PCDH15: variants seen among roughly 807,000 people sequenced by gnomAD.
PCDH15 encodes protocadherin related 15.
In PCDH15, 129 loss-of-function variants were observed where a neutral mutation model predicts 178.5. That is an observed-to-expected ratio of 0.72 (90% CI 0.63 to 0.84). PCDH15 has a LOEUF of 0.84. PCDH15 is among the 40% of genes least tolerant of loss of function. The pLI is 0.00. For missense variants in PCDH15, 2,230 were observed against 2,099.9 expected (o/e 1.06, Z -1.21); for synonymous variants, 800 against 732.0 (o/e 1.09, Z -1.50).
intron 1 of PCDH15, among the ~76,000 whole-genome samples, chr10:55,210,169 A>C (rs1014732638): frequency 6.6e-6 from 1 of 152,036 alleles, no homozygotes. Flanking sequence ...GAGATAAATG[A>C]ATGTAATTAC....
chr10:55,444,734 T>G (rs1839277528), intron 2 of PCDH15, among the ~76,000 whole-genome samples: 1 of 152,146 alleles, frequency 6.6e-6, no homozygotes, highest in South Asian at 2.1e-4. Flanking sequence ...TTGTCAAGTA[T>G]TCTCATATAA....
chr10:54,641,432 T>C (rs573377359), intron 2 of PCDH15, among the ~76,000 whole-genome samples: 6 of 152,160 alleles, frequency 3.9e-5, no homozygotes, highest in Non-Finnish European at 8.8e-5. Context: ...ACAACTAAAC[T>C]GATGATCTCC....
intron 3 of PCDH15, among the ~76,000 whole-genome samples, chr10:54,479,243 G>T (rs925585698): frequency 2.0e-5 from 3 of 151,768 alleles, no homozygotes; most frequent in African/African-American, 7.3e-5. Context: ...TAGTTTGAAT[G>T]GTCCTAATTA....
intron 34 of PCDH15, among the ~76,000 whole-genome samples, chr10:53,817,272 T>G (rs1010942010): frequency 6.6e-6 from 1 of 152,142 alleles, no homozygotes; most frequent in African/African-American, 2.4e-5. Context: ...CGCAGTGACT[T>G]CATTGGTAAC....
intron 1 of PCDH15, among the ~76,000 whole-genome samples, chr10:54,795,029 GTA>G (rs1951819423): frequency 6.6e-6 from 1 of 151,702 alleles, no homozygotes; most frequent in Admixed American, 6.6e-5. Flanking sequence ...GATAGCCTTA[GTA>G]CTTTCATATT....
intron 3 of PCDH15, among the ~76,000 whole-genome samples, chr10:54,897,123 A>G (rs1242456379): frequency 6.6e-6 from 1 of 152,216 alleles, no homozygotes; most frequent in African/African-American, 2.4e-5. Flanking sequence ...GAATTGCTGC[A>G]TGACAGTTGC....
chr10:55,145,163 T>C (rs6481147), intron 2 of PCDH15, among the ~76,000 whole-genome samples: 137,056 of 151,904 alleles, frequency 0.9, 62,505 homozygotes, highest in Non-Finnish European at 0.97. Context: ...TTTAGATTTG[T>C]GCAATTTATT....
At chr10:53,933,173 TA>T (rs2085235340) in intron 25 of PCDH15, among the ~76,000 whole-genome samples, 1 of 151,976 alleles carries the variant, frequency 6.6e-6, no homozygotes, top group Non-Finnish European at 1.5e-5. Flanking sequence ...CTTTTTTTTT[TA>T]AATTTTATTA....
At chr10:55,527,577 T>C (rs959897902) in intron 2 of PCDH15, among the ~76,000 whole-genome samples, 1 of 152,026 alleles carries the variant, frequency 6.6e-6, no homozygotes, top group Non-Finnish European at 1.5e-5. Flanking sequence ...ATATATAATA[T>C]TGTAAGGGAC....
chr10:53,863,517 A>C (rs2079239360), intron 27 of PCDH15, among the ~76,000 whole-genome samples: 1 of 152,044 alleles, frequency 6.6e-6, no homozygotes, highest in Non-Finnish European at 1.5e-5. Flanking sequence ...GAGAGAAAAC[A>C]CTCTTATGAT....
chr10:54,778,763 A>G (rs1949970472), intron 1 of PCDH15, among the ~76,000 whole-genome samples: 1 of 152,166 alleles, frequency 6.6e-6, no homozygotes, highest in Non-Finnish European at 1.5e-5. Context: ...ATTCATTACT[A>G]AAATAAATTT....
intron 2 of PCDH15, among the ~76,000 whole-genome samples, chr10:55,507,491 G>A (rs1840783850): frequency 6.6e-6 from 1 of 151,278 alleles, no homozygotes; most frequent in African/African-American, 2.4e-5. Flanking sequence ...TAAAATCAAT[G>A]TTACAAAAAT....
chr10:54,468,362 A>C (rs1054768616), intron 3 of PCDH15, among the ~76,000 whole-genome samples: 2 of 151,386 alleles, frequency 1.3e-5, no homozygotes, highest in African/African-American at 4.9e-5. Flanking sequence ...GTTATGTTTC[A>C]ATTTTCATTT....
chr10:55,412,824 T>C (rs1321728738), intron 2 of PCDH15, among the ~76,000 whole-genome samples: 2 of 151,168 alleles, frequency 1.3e-5, no homozygotes, highest in Non-Finnish European at 3.0e-5. Flanking sequence ...GAGTACACGT[T>C]GCTGCATACA....
chr10:55,170,709 C>T (rs1412772997), intron 1 of PCDH15, among the ~76,000 whole-genome samples: 1 of 151,718 alleles, frequency 6.6e-6, no homozygotes, highest in African/African-American at 2.4e-5. Flanking sequence ...TGGTGAAACC[C>T]CGTCTCCACT....
intron 32 of PCDH15, among the ~76,000 whole-genome samples, chr10:53,824,290 C>T (rs1330315450): frequency 6.6e-6 from 1 of 152,082 alleles, no homozygotes; most frequent in Non-Finnish European, 1.5e-5. Flanking sequence ...GGACCCTTCT[C>T]CCAGGATTGT....
chr10:54,625,285 T>G, intron 2 of PCDH15, among the ~76,000 whole-genome samples: 1 of 152,106 alleles, frequency 6.6e-6, no homozygotes. Context: ...CATTCCTGAG[T>G]TGCAGATACA....
At chr10:54,243,276 A>G (rs11004163) in intron 8 of PCDH15, among the ~76,000 whole-genome samples, 8,933 of 152,232 alleles carry the variant, frequency 0.059, 676 homozygotes, top group African/African-American at 0.18. Flanking sequence ...TTGGGAGGCC[A>G]AGGCGGGCAG....
intron 25 of PCDH15, among the ~76,000 whole-genome samples, chr10:53,933,112 A>G (rs2085227427): frequency 6.6e-6 from 1 of 152,048 alleles, no homozygotes; most frequent in South Asian, 2.1e-4. Flanking sequence ...TTACAGAACC[A>G]TGAGCCAATT....
Sources: allele counts gnomAD v4.1 joint callset (sites outside exome capture counted in the v4.1 genomes callset), GRCh38; gene constraint gnomAD v4.1.1; transcripts MANE v1.5; gene names NCBI Gene and HGNC (gene_info 2026-07-23, HGNC 2026-07-21).